DDB2: variants seen among roughly 807,000 people sequenced by gnomAD.
DDB2 encodes DNA damage-binding protein 2.
Under a neutral mutation model 50.5 loss-of-function variants are expected in DDB2, and 27 were observed. That is an observed-to-expected ratio of 0.53 (90% CI 0.39 to 0.74). The LOEUF is 0.74. Among genes scored for constraint, DDB2 ranks in the 30% least tolerant of loss-of-function variants. DDB2 has a pLI of 0.00. For missense variants in DDB2, 424 were observed against 545.6 expected, an observed-to-expected ratio of 0.78 and a Z score of 2.22; for synonymous variants, 176 against 205.5, an observed-to-expected ratio of 0.86 and a Z score of 1.23.
At chr11:47,232,687 C>T (rs1368220643) in intron 3 of DDB2, 127 bp from the exon 4 acceptor site, 4 of 970,798 alleles carry the variant, frequency 4.1e-6, no homozygotes, top group Non-Finnish European at 3.3e-6. Context: ...GTCCTAGTGT[C>T]TAAGCTGACC....
chr11:47,222,332 G>GT lies in DDB2; in HGVS notation c.456+5293dup, dbSNP rs34897237. Among the ~76,000 whole-genome samples the GT allele has an allele frequency of 3.5e-3, 519 of 149,102 alleles. 3 individuals carry two copies. Among genetic ancestry groups the GT allele is most frequent in the African/African-American group, 0.012 (478 of 40,794 alleles). ...AAATTTATCTACATTTTTATGTGTA[G>GT]TTTTTTTTTTCTTTCTGAATAATGG... is the stretch of plus-strand genomic sequence containing the variant. On this transcript the variant is annotated intron_variant, in intron 3 of 9. Transcript: ENST00000256996.
chr11:47,215,857 T>C (rs1953393361), intron 1 of DDB2: 1 of 272,662 alleles, frequency 3.7e-6, no homozygotes, highest in African/African-American at 2.2e-5. Context: ...GCTATTCTAA[T>C]TTCACTTACC....
Position 47,216,365 on chromosome 11 carries a change from C to T in DDB2, c.157C>T (p.Leu53Phe). ...GPSRRCDSDC[L>F]WVGLAGPQIL... is the part of the protein sequence containing the mutation. ...TAGCAGAAGATGTGACTCAGACTGC[C>T]TCTGGGTGGGGCTGGCTGGCCCACA... is the stretch of plus-strand genomic sequence containing the variant. Residue 53 changes from leucine (L) to phenylalanine (F), a missense_variant, in exon 2 of 10, where the codon CTC (leucine) becomes TTC (phenylalanine). Leu to Phe is a conservative substitution (Grantham distance 22). Transcript: ENST00000256996. 6.2e-7 allele frequency: 1 copy of T among 1,614,142 alleles called. No individual in the cohort carries two copies. Among genetic ancestry groups the T allele is most frequent in the Non-Finnish European group, 8.5e-7 (1 of 1,180,020 alleles).
intron 3 of DDB2, among the ~76,000 whole-genome samples, chr11:47,222,755 A>G (rs1590992159): frequency 6.6e-6 from 1 of 152,260 alleles, no homozygotes; most frequent in Non-Finnish European, 1.5e-5. Flanking sequence ...TTCACGTACA[A>G]GTATTTGTGT....
In DDB2 at chr11:47,215,262, C is replaced by T. The variant is rs1420834664; in HGVS notation, c.126C>T (p.Ser42=). Residue 42 remains serine (S), a splice_region_variant and synonymous_variant, in exon 1 of 10, where the codon TCC becomes TCT. Coordinates refer to ENST00000256996, the MANE Select transcript of DDB2 (RefSeq NM_000107.3). ...PEAKKLCAKG[S]GPSRRCDSDC... is the part of the protein sequence containing the mutation. ...CCAAGAAGCTCTGTGCGAAGGGCTCCGGTACTGCCTGTGCCTGCTGCTTGA... is the reference window on the plus strand; with the variant it reads ...CCAAGAAGCTCTGTGCGAAGGGCTCTGGTACTGCCTGTGCCTGCTGCTTGA... 5.0e-6 allele frequency: 8 copies of T among 1,613,910 alleles called. No homozygotes were observed. Among genetic ancestry groups the T allele is most frequent in the Admixed American group, 1.7e-5 (1 of 59,972 alleles).
In DDB2 at chr11:47,239,157, A is replaced by G. The variant is rs577459290; in HGVS notation, c.*308A>G. 20 of 431,186 alleles carry G rather than the reference A, an allele frequency of 4.6e-5. No individual in the cohort carries two copies. In the East Asian group the frequency reaches 7.0e-4, roughly 15 times the overall value. The allele number at this position is 431,186 out of a possible 1,614,324, so 26.7% of individuals were successfully genotyped here. On this transcript the variant is annotated 3_prime_UTR_variant, in exon 10 of 10. Transcript: ENST00000256996. ...CCTCTCAGTGGGTGGTAGCAGAGGG[A>G]TCAAGCAGTTATTTGATTTGTGCTC...
chr11:47,238,037 G>A (rs1336994794), intron 8 of DDB2, 36 bp downstream of exon 8: 1 of 1,613,804 alleles, frequency 6.2e-7, no homozygotes, highest in Non-Finnish European at 8.5e-7. Context: ...ATGGGAGGAA[G>A]CAGGGATTCA....
intron 3 of DDB2, among the ~76,000 whole-genome samples, chr11:47,227,753 A>G (rs915266320): frequency 6.6e-5 from 10 of 152,176 alleles, no homozygotes; most frequent in Non-Finnish European, 8.8e-5. Flanking sequence ...GTTTTTAAAT[A>G]TTACTGGATT....
At chr11:47,223,638 C>G (rs1953517678) in intron 3 of DDB2, among the ~76,000 whole-genome samples, 2 of 151,770 alleles carry the variant, frequency 1.3e-5, no homozygotes, top group South Asian at 2.1e-4. Context: ...AAAAATTAGC[C>G]AGGCGTGGTG....
At chr11:47,228,995 A>ATCTATCTG (rs1953604315) in intron 3 of DDB2, among the ~76,000 whole-genome samples, 2 of 149,202 alleles carry the variant, frequency 1.3e-5, no homozygotes, top group Non-Finnish European at 3.0e-5. Flanking sequence ...CTATCTATCT[A>ATCTATCTG]TCTATCTATC....
chr11:47,231,248 A>T (rs1618238), intron 3 of DDB2, among the ~76,000 whole-genome samples: 151,635 of 152,256 alleles, frequency 1, 75,509 homozygotes, highest in Middle Eastern at 1. Flanking sequence ...CATCATTTTC[A>T]TGAATGTTTG....
intron 3 of DDB2, among the ~76,000 whole-genome samples, chr11:47,222,484 C>T (rs1457027122): frequency 6.6e-6 from 1 of 152,188 alleles, no homozygotes; most frequent in East Asian, 1.9e-4. Context: ...GCTGGCACTA[C>T]ATGCACAGGC....
At chr11:47,232,700 G>A in intron 3 of DDB2, 114 bp from the exon 4 acceptor site, 1 of 1,112,740 alleles carries the variant, frequency 9.0e-7, no homozygotes, top group Non-Finnish European at 1.4e-6. Context: ...AGCTGACCTG[G>A]CCCCAAGCGC....
In DDB2 at chr11:47,231,119, C is replaced by CAAAAAAAA. The variant is rs139290057; in HGVS notation, c.457-1677_457-1670dup. On this transcript the variant is annotated intron_variant, in intron 3 of 9. Coordinates refer to ENST00000256996, the MANE Select transcript of DDB2 (RefSeq NM_000107.3). ...TGGGCGACAGAGCAAGCCTTCATCTCAAAAAAAAAAAAAAAAAAAAAAAAA... is the reference window on the plus strand; with the variant it reads ...TGGGCGACAGAGCAAGCCTTCATCTCAAAAAAAAAAAAAAAAAAAAAAAAAAAAAAAAA... 2.3e-3 allele frequency among the ~76,000 whole-genome samples: 134 copies of CAAAAAAAA among 58,364 alleles called. 3 individuals carry two copies. Among genetic ancestry groups the CAAAAAAAA allele is most frequent in the South Asian group, 4.6e-3 (6 of 1,310 alleles). The allele number at this position is 58,364 out of a possible 152,430, so 38.3% of individuals were successfully genotyped here. A position where few individuals can be genotyped will look rare whatever the true frequency, so the allele number is the denominator to read the frequency against.
chr11:47,235,769 T>A, intron 7 of DDB2: 1 of 270,660 alleles, frequency 3.7e-6, no homozygotes, highest in East Asian at 8.8e-5. Context: ...TTTTATTATT[T>A]TTTTTAAGGC....
At chr11:47,221,731 C>T (rs1307576833) in intron 3 of DDB2, 1 of 152,256 alleles carries the variant, frequency 6.6e-6, no homozygotes, top group Non-Finnish European at 1.5e-5. Context: ...AGGTGTGAGC[C>T]ACCGTGCCCA....
intron 9 of DDB2, 50 bp from the exon 10 acceptor site, chr11:47,238,750 G>A: frequency 6.2e-7 from 1 of 1,603,788 alleles, no homozygotes; most frequent in Non-Finnish European, 8.5e-7. Context: ...CCCAGGCTCT[G>A]AGAGATTGGT....
At chr11:47,231,135 A>AC (rs1366682222) in intron 3 of DDB2, among the ~76,000 whole-genome samples, 73 of 151,316 alleles carry the variant, frequency 4.8e-4, no homozygotes, top group Non-Finnish European at 8.7e-4. Context: ...AAAAAAAAAA[A>AC]AAAAAAAAAC....
At chr11:47,228,530 C>G (rs1462929226) in intron 3 of DDB2, among the ~76,000 whole-genome samples, 1 of 149,610 alleles carries the variant, frequency 6.7e-6, no homozygotes, top group African/African-American at 2.5e-5. Flanking sequence ...GTAATCCCAG[C>G]TACTCGGGAG....
Sources: gnomAD v4.1 joint callset for allele counts (sites outside exome capture counted in the v4.1 genomes callset) on GRCh38, gnomAD v4.1.1 for gene constraint, MANE v1.5 for transcripts, NCBI Gene and HGNC (gene_info 2026-07-23, HGNC 2026-07-21) for gene names.